SPOCK3: variants seen among roughly 807,000 people sequenced by gnomAD.
SPOCK3 encodes SPARC (osteonectin), cwcv and kazal like domains proteoglycan 3, also known as testican-3.
In SPOCK3, 30 loss-of-function variants were observed where a neutral mutation model predicts 56.6. The ratio of observed to expected loss-of-function variants is 0.53; its 90% CI spans 0.40 to 0.72. The LOEUF (loss-of-function observed/expected upper bound fraction) is 0.72, where lower values mean the gene tolerates loss of function less well. Among genes scored for constraint, SPOCK3 ranks in the 30% least tolerant of loss-of-function variants. The pLI is 0.00. For synonymous variants in SPOCK3, 196 were observed against 183.3 expected (o/e 1.07, Z -0.56); for missense variants, 527 against 530.0 (o/e 0.99, Z 0.06).
In SPOCK3 at chr4:166,754,546, G is replaced by C; in HGVS notation, c.893C>G (p.Ser298Cys). ...GAAGCAGTAGCACCACTCATTATTA[G>C]ATATTAAACTGTCCTTGTATGTGTC... ...SCDTYKDSLI[S>C]NNEWCYCFQR... Residue 298 changes from serine (S) to cysteine (C), a missense_variant, in exon 8 of 11, where the codon TCT (serine) becomes TGT (cysteine). Transcript: ENST00000357545. The C allele has an allele frequency of 6.2e-7, 1 of 1,613,428 alleles. No individual in the cohort carries two copies. Among genetic ancestry groups the C allele is most frequent in the African/African-American group, 1.3e-5 (1 of 75,010 alleles).
At chr4:166,959,163 A>G (rs1170237525) in intron 4 of SPOCK3, among the ~76,000 whole-genome samples, 1 of 152,230 alleles carries the variant, frequency 6.6e-6, no homozygotes, top group African/African-American at 2.4e-5. Flanking sequence ...ATTGTGTACC[A>G]GGTTCCTCTT....
chr4:167,173,100 T>C (rs927242605), intron 2 of SPOCK3, among the ~76,000 whole-genome samples: 3 of 152,236 alleles, frequency 2.0e-5, no homozygotes, highest in South Asian at 2.1e-4. Context: ...CATGTTTATG[T>C]TTCACTTGCC....
At chr4:167,205,501 ATAT>A (rs1734153675) in intron 2 of SPOCK3, among the ~76,000 whole-genome samples, 1 of 56,770 alleles carries the variant, frequency 1.8e-5, no homozygotes, top group Non-Finnish European at 3.0e-5. Flanking sequence ...TATATAATAT[ATAT>A]TATATAATAT....
chr4:167,076,295 T>C (rs1389050706), intron 2 of SPOCK3, among the ~76,000 whole-genome samples: 2 of 151,736 alleles, frequency 1.3e-5, no homozygotes, highest in Non-Finnish European at 2.9e-5. Flanking sequence ...AAACTATAGA[T>C]TTTGGAGGCT....
In SPOCK3 at chr4:166,977,427, AGTAG is replaced by A. The variant is rs543334422; in HGVS notation, c.350+22918_350+22921del. ...AAAATATTCATTATGATAATTATTAAGTAGGCAAGAAAGGCAAGAAAGAACTATT... is the reference window on the plus strand; with the variant it reads ...AAAATATTCATTATGATAATTATTAAGCAAGAAAGGCAAGAAAGAACTATT... On this transcript the variant is annotated intron_variant, in intron 4 of 10. Coordinates refer to ENST00000357545, the MANE Select transcript of SPOCK3 (RefSeq NM_001040159.2). 3.9e-4 allele frequency among the ~76,000 whole-genome samples: 32 copies of A among 82,906 alleles called. No individual in the cohort carries two copies. In the South Asian group the frequency reaches 0.013, roughly 34 times the overall value. 54.4% of individuals were successfully genotyped at this position (82,906 alleles called of 152,430 possible).
intron 4 of SPOCK3, among the ~76,000 whole-genome samples, chr4:166,931,474 A>G (rs1046747906): frequency 2.6e-5 from 4 of 152,268 alleles, no homozygotes; most frequent in South Asian, 2.1e-4. Context: ...TTCTTTACAT[A>G]TTAATTTTGT....
intron 6 of SPOCK3, among the ~76,000 whole-genome samples, chr4:166,862,910 A>T (rs1731387297): frequency 6.6e-6 from 1 of 152,092 alleles, no homozygotes; most frequent in South Asian, 2.1e-4. Context: ...AATACAGAGA[A>T]TACCACTAAG....
intron 6 of SPOCK3, among the ~76,000 whole-genome samples, chr4:166,885,086 A>T (rs1734057665): frequency 6.6e-6 from 1 of 152,018 alleles, no homozygotes; most frequent in Admixed American, 6.6e-5. Context: ...TTTGGTTAGC[A>T]TTCTATAAAT....
chr4:167,066,062 T>A lies in SPOCK3; in HGVS notation c.190-3525A>T, dbSNP rs368420053. Among the ~76,000 whole-genome samples, 8 of 152,094 alleles carry A rather than the reference T, an allele frequency of 5.3e-5. No individual in the cohort carries two copies. In the South Asian group the frequency reaches 1.0e-3, roughly 20 times the overall value. ...CTTGTACTTACAGAAATAATAACTA[T>A]AAGTTTTCCACAAAATAAAGTCTAC... On this transcript the variant is annotated intron_variant, in intron 2 of 10. Transcript: ENST00000357545.
chr4:166,935,122 G>A (rs1160174358), intron 4 of SPOCK3, among the ~76,000 whole-genome samples: 1 of 152,114 alleles, frequency 6.6e-6, no homozygotes, highest in Non-Finnish European at 1.5e-5. Context: ...GACTTACGGG[G>A]CTGTGGAGGG....
At position 166,926,544 on chromosome 4, in the gene SPOCK3, T is replaced by TG. The variant is rs201794593; in HGVS notation, c.351-13802dup. On this transcript the variant is annotated intron_variant, in intron 4 of 10. Coordinates refer to ENST00000357545, the MANE Select transcript of SPOCK3 (RefSeq NM_001040159.2). ...TTGTTGTTTTTGTTTTTGCTTTTTTTGTTTTTTTTGATGAGTATTTGAACT... is the reference window on the plus strand; with the variant it reads ...TTGTTGTTTTTGTTTTTGCTTTTTTTGGTTTTTTTTGATGAGTATTTGAACT... 2.7e-4 allele frequency among the ~76,000 whole-genome samples: 39 copies of TG among 143,132 alleles called. 1 individual carries two copies. Among genetic ancestry groups the TG allele is most frequent in the African/African-American group, 7.4e-4 (29 of 39,180 alleles). 93.9% of individuals were successfully genotyped at this position (143,132 alleles called of 152,430 possible).
intron 3 of SPOCK3, among the ~76,000 whole-genome samples, chr4:167,055,460 G>A (rs1193384927): frequency 6.6e-6 from 1 of 152,124 alleles, no homozygotes; most frequent in African/African-American, 2.4e-5. Flanking sequence ...GCAGGACAGT[G>A]GGTGCAGCAC....
At chr4:167,151,715 G>A (rs1040264038) in intron 2 of SPOCK3, among the ~76,000 whole-genome samples, 3 of 152,052 alleles carry the variant, frequency 2.0e-5, no homozygotes, top group Non-Finnish European at 4.4e-5. Flanking sequence ...GATTACAGGC[G>A]TGAGCCACCA....
At chr4:166,982,347 A>G (rs914060750) in intron 4 of SPOCK3, among the ~76,000 whole-genome samples, 2 of 152,234 alleles carry the variant, frequency 1.3e-5, no homozygotes, top group African/African-American at 2.4e-5. Context: ...ATTTACGTAG[A>G]AAAATCAGAA....
At chr4:167,076,940 A>G (rs1241315919) in intron 2 of SPOCK3, among the ~76,000 whole-genome samples, 2 of 151,894 alleles carry the variant, frequency 1.3e-5, no homozygotes, top group African/African-American at 4.8e-5. Context: ...GTTTACTATA[A>G]TTCAGTCAAG....
chr4:166,838,939 G>A (rs1313793187), intron 6 of SPOCK3, among the ~76,000 whole-genome samples: 1 of 150,870 alleles, frequency 6.6e-6, no homozygotes, highest in African/African-American at 2.4e-5. Context: ...TCTAGCCTAG[G>A]CAACAAAGCA....
chr4:167,073,446 G>A (rs1415614208), intron 2 of SPOCK3, among the ~76,000 whole-genome samples: 1 of 151,662 alleles, frequency 6.6e-6, no homozygotes, highest in Admixed American at 6.6e-5. Context: ...GAAAAATGGT[G>A]CATTCATTGT....
chr4:166,844,717 C>T (rs1747872638), intron 6 of SPOCK3, among the ~76,000 whole-genome samples: 1 of 150,974 alleles, frequency 6.6e-6, no homozygotes, highest in Non-Finnish European at 1.5e-5. Context: ...TACAGATATA[C>T]ATCTCTATAC....
chr4:167,057,976 GA>G (rs1252510938), intron 3 of SPOCK3, among the ~76,000 whole-genome samples: 4 of 152,044 alleles, frequency 2.6e-5, no homozygotes, highest in African/African-American at 9.7e-5. Flanking sequence ...CAAATCAACA[GA>G]ATATACATTT....
Sources: allele counts gnomAD v4.1 joint callset (sites outside exome capture counted in the v4.1 genomes callset), GRCh38; gene constraint gnomAD v4.1.1; transcripts MANE v1.5; gene names NCBI Gene and HGNC (gene_info 2026-07-23, HGNC 2026-07-21).